BTBD16: variants seen among roughly 807,000 people sequenced by gnomAD.
BTBD16 encodes the protein BTB/POZ domain-containing protein 16.
In BTBD16, 66 loss-of-function variants were observed where a neutral mutation model predicts 67.4. That is an observed-to-expected ratio of 0.98 (90% confidence interval 0.80 to 1.20). The LOEUF (loss-of-function observed/expected upper bound fraction) is 1.20, where lower values mean the gene tolerates loss of function less well. BTBD16 is among the 50% of genes most tolerant of loss of function. The pLI, the probability that BTBD16 is intolerant of heterozygous loss-of-function variation, is 0.00. For missense variants in BTBD16, 634 were observed against 616.0 expected, an observed-to-expected ratio of 1.03 and a Z score of -0.31; for synonymous variants, 242 against 236.4, an observed-to-expected ratio of 1.02 and a Z score of -0.22.
At chr10:122,320,958 G>A (rs1473713461) in intron 10 of BTBD16, among the ~76,000 whole-genome samples, 1 of 152,010 alleles carries the variant, frequency 6.6e-6, no homozygotes, top group Non-Finnish European at 1.5e-5. Flanking sequence ...TGTCACCCAG[G>A]TACTGAGCAT....
At chr10:122,302,324 C>A (rs2096395556) in intron 9 of BTBD16, among the ~76,000 whole-genome samples, 1 of 152,174 alleles carries the variant, frequency 6.6e-6, no homozygotes, top group African/African-American at 2.4e-5. Context: ...TCTTATAGGT[C>A]ACTGTTGGGT....
At chr10:122,329,449 G>A in intron 10 of BTBD16, 31 bp from the exon 11 acceptor site, 1 of 1,607,626 alleles carries the variant, frequency 6.2e-7, no homozygotes, top group African/African-American at 1.3e-5. Context: ...TTTGCTGAAG[G>A]TCTGTTATTC....
intron 13 of BTBD16, 113 bp from the exon 14 acceptor site, chr10:122,334,768 C>T (rs10788282): frequency 0.36 from 227,190 of 625,176 alleles, 45,471 homozygotes; most frequent in East Asian, 0.74. Flanking sequence ...ATGATCTGCC[C>T]GCCTCAGCCT....
intron 15 of BTBD16, among the ~76,000 whole-genome samples, chr10:122,337,507 C>T (rs982631775): frequency 6.6e-6 from 1 of 152,182 alleles, no homozygotes; most frequent in African/African-American, 2.4e-5. Context: ...CTCTATCGCC[C>T]AGGCTGGAGT....
At position 122,299,105 on chromosome 10, in the gene BTBD16, C is replaced by G; in HGVS notation, c.762C>G (p.Asp254Glu). ...TQIHLHKIPQDLLHKVLKSPR... is the reference protein window; with the variant it reads ...TQIHLHKIPQELLHKVLKSPR... ...TCCACCTCCACAAAATCCCACAGGA[C>G]CTGCTCCACAAAGTGCTGAAGTCCC... Residue 254 changes from aspartate (D) to glutamate (E), a missense_variant, in exon 9 of 16, where the codon GAC (aspartate) becomes GAG (glutamate). Asp to Glu is a conservative substitution (Grantham distance 45, BLOSUM62 2). Coordinates refer to ENST00000260723, the MANE Select transcript of BTBD16 (RefSeq NM_144587.5). 1.2e-6 allele frequency: 2 copies of G among 1,614,002 alleles called. No individual in the cohort carries two copies. Among genetic ancestry groups the G allele is most frequent in the African/African-American group, 1.3e-5 (1 of 75,056 alleles).
intron 4 of BTBD16, among the ~76,000 whole-genome samples, chr10:122,284,599 A>G (rs1446265690): frequency 3.9e-5 from 6 of 152,122 alleles, no homozygotes; most frequent in Non-Finnish European, 1.5e-5. Flanking sequence ...AGGCAGGATC[A>G]AGAATCAGGA....
chr10:122,289,958 C>G lies in BTBD16; in HGVS notation c.435C>G (p.Ile145Met). 6.2e-7 allele frequency: 1 copy of G among 1,613,820 alleles called. No individual in the cohort carries two copies. Among genetic ancestry groups the G allele is most frequent in the South Asian group, 1.1e-5 (1 of 91,046 alleles). The change falls in exon 6 of 16, where the codon ATC (isoleucine) becomes ATG (methionine). Residue 145 changes from isoleucine to methionine, a missense_variant. By Grantham distance (10) the Ile-to-Met change is conservative. Coordinates refer to ENST00000260723, the MANE Select transcript of BTBD16 (RefSeq NM_144587.5). ...TKEKSPAKRIIISLKINDPLV... is the reference protein window; with the variant it reads ...TKEKSPAKRIMISLKINDPLV... Reference sequence around the variant, plus strand: ...AAAAATCCCCTGCAAAGAGGATCATCATTTCCTTGAAGATCAATGACCCAC... The same window carrying G: ...AAAAATCCCCTGCAAAGAGGATCATGATTTCCTTGAAGATCAATGACCCAC...
intron 9 of BTBD16, among the ~76,000 whole-genome samples, chr10:122,301,849 T>C (rs1423790952): frequency 6.6e-6 from 1 of 152,192 alleles, no homozygotes; most frequent in Non-Finnish European, 1.5e-5. Context: ...GGGCTAACGA[T>C]GGGCAGGGCA....
At chr10:122,337,320 C>T (rs949481812) in intron 15 of BTBD16, among the ~76,000 whole-genome samples, 1 of 152,194 alleles carries the variant, frequency 6.6e-6, no homozygotes, top group African/African-American at 2.4e-5. Context: ...TTTTTAAAAG[C>T]TTCCAGGTTG....
chr10:122,321,521 TACTTTTTG>T (rs1203262692), intron 10 of BTBD16, among the ~76,000 whole-genome samples: 1 of 152,236 alleles, frequency 6.6e-6, no homozygotes, highest in Non-Finnish European at 1.5e-5. Flanking sequence ...CAACATTTCT[TACTTTTTG>T]ACTTTTTAAT....
chr10:122,280,386 C>T (rs1250372935), intron 3 of BTBD16, among the ~76,000 whole-genome samples: 1 of 151,896 alleles, frequency 6.6e-6, no homozygotes, highest in Non-Finnish European at 1.5e-5. Context: ...GGGGCACCCC[C>T]ACGAAGGCTC....
chr10:122,275,859 A>G (rs1235035581), intron 2 of BTBD16, among the ~76,000 whole-genome samples: 1 of 152,114 alleles, frequency 6.6e-6, no homozygotes, highest in Non-Finnish European at 1.5e-5. Flanking sequence ...GCTCCTGGGC[A>G]TATAACCAAA....
At chr10:122,274,991 T>C (rs1050760235) in intron 1 of BTBD16, 49 bp from the exon 2 acceptor site, 15 of 1,349,140 alleles carry the variant, frequency 1.1e-5, no homozygotes, top group Non-Finnish European at 1.6e-5. Flanking sequence ...TCCTCCATAA[T>C]ATTTTGAAAA....
intron 10 of BTBD16, among the ~76,000 whole-genome samples, chr10:122,322,315 C>T (rs77991627): frequency 0.02 from 3,021 of 152,184 alleles, 66 homozygotes; most frequent in African/African-American, 0.06. Flanking sequence ...TAGAGCTATA[C>T]GTTTCCTTTA....
At chr10:122,279,849 A>G (rs967957422) in intron 3 of BTBD16, among the ~76,000 whole-genome samples, 3 of 152,184 alleles carry the variant, frequency 2.0e-5, no homozygotes, top group African/African-American at 7.2e-5. Context: ...CTGCTTGGAC[A>G]GGAGCTGGAC....
chr10:122,285,456 G>T (rs1445007517), intron 4 of BTBD16, among the ~76,000 whole-genome samples: 1 of 152,146 alleles, frequency 6.6e-6, no homozygotes, highest in Non-Finnish European at 1.5e-5. Context: ...TACCCTCGTT[G>T]GTGGGCCTGC....
intron 14 of BTBD16, 143 bp from the exon 15 acceptor site, chr10:122,336,351 T>G: frequency 1.5e-6 from 1 of 670,026 alleles, no homozygotes. Flanking sequence ...GCAGCAACTT[T>G]TAGGAGATGG....
In BTBD16 at chr10:122,283,881, C is replaced by A. The variant is rs1285561710; in HGVS notation, c.198C>A (p.Phe66Leu). 2 of 1,613,920 alleles carry A rather than the reference C, an allele frequency of 1.2e-6. No individual in the cohort carries two copies. The highest frequency in any genetic ancestry group is 2.7e-5 in the African/African-American group (2 of 74,900). The change falls in exon 4 of 16, where the codon TTC becomes TTA. Residue 66 changes from phenylalanine to leucine, a missense_variant. Coordinates refer to ENST00000260723, the MANE Select transcript of BTBD16 (RefSeq NM_144587.5). ...RLCISQIQKF[F>L]FENFKNKDIQ... is the part of the protein sequence containing the mutation. Reference sequence around the variant, plus strand: ...GCATTTCACAAATCCAGAAGTTTTTCTTTGAGAATTTCAAGAACAAGGACA... The same window carrying A: ...GCATTTCACAAATCCAGAAGTTTTTATTTGAGAATTTCAAGAACAAGGACA...
At chr10:122,286,682 A>G (rs973625536) in intron 5 of BTBD16, among the ~76,000 whole-genome samples, 1 of 152,106 alleles carries the variant, frequency 6.6e-6, no homozygotes, top group African/African-American at 2.4e-5. Context: ...GGCCCTAAGT[A>G]TGCTGGTTTG....
Sources: allele counts gnomAD v4.1 joint callset (sites outside exome capture counted in the v4.1 genomes callset), GRCh38; gene constraint gnomAD v4.1.1; transcripts MANE v1.5; gene names NCBI Gene and HGNC (gene_info 2026-07-23, HGNC 2026-07-21).